MED27: variants seen among roughly 807,000 people sequenced by gnomAD.
MED27 encodes the protein mediator complex subunit 27, also known as mediator of RNA polymerase II transcription subunit 27.
In MED27, 30 loss-of-function variants were observed where a neutral mutation model predicts 38.2. The ratio of observed to expected loss-of-function variants is 0.79; its 90% CI spans 0.59 to 1.07. The LOEUF (loss-of-function observed/expected upper bound fraction) is 1.07, where lower values mean the gene tolerates loss of function less well. MED27 is among the 50% of genes least tolerant of loss of function. The pLI is 0.00. For synonymous variants in MED27, 122 were observed against 153.5 expected (o/e 0.79, Z 1.52); for missense variants, 289 against 397.5 (o/e 0.73, Z 2.32).
intron 2 of MED27, among the ~76,000 whole-genome samples, chr9:132,060,106 G>A (rs1833665142): frequency 6.6e-6 from 1 of 152,154 alleles, no homozygotes; most frequent in African/African-American, 2.4e-5. Flanking sequence ...TTTCAAGGTA[G>A]AAAAACAGAA....
chr9:132,058,702 G>A (rs548666769), intron 2 of MED27, among the ~76,000 whole-genome samples: 1 of 152,262 alleles, frequency 6.6e-6, no homozygotes, highest in South Asian at 2.1e-4. Flanking sequence ...AGAAGGTCAC[G>A]TGAAGGTCAC....
intron 2 of MED27, among the ~76,000 whole-genome samples, chr9:132,050,192 T>C (rs1833432224): frequency 6.6e-6 from 1 of 152,034 alleles, no homozygotes; most frequent in Non-Finnish European, 1.5e-5. Flanking sequence ...CCTTTAAGGA[T>C]GGGAAGGATC....
At chr9:132,079,234 G>C (rs1834120735) in intron 1 of MED27, among the ~76,000 whole-genome samples, 1 of 152,148 alleles carries the variant, frequency 6.6e-6, no homozygotes, top group Non-Finnish European at 1.5e-5. Flanking sequence ...ATCAGATCGG[G>C]TGCACTTGGG....
At chr9:131,880,159 C>T (rs1839012276) in intron 6 of MED27, among the ~76,000 whole-genome samples, 1 of 152,144 alleles carries the variant, frequency 6.6e-6, no homozygotes, top group African/African-American at 2.4e-5. Context: ...TGCTTTCTAC[C>T]GCCATCTCCC....
intron 3 of MED27, among the ~76,000 whole-genome samples, chr9:131,993,196 A>C (rs1832014803): frequency 6.6e-6 from 1 of 152,042 alleles, no homozygotes; most frequent in Admixed American, 6.6e-5. Flanking sequence ...TGCTGGATAA[A>C]TAACACCATA....
At chr9:132,028,841 A>C (rs1341264442) in intron 2 of MED27, among the ~76,000 whole-genome samples, 2 of 152,200 alleles carry the variant, frequency 1.3e-5, no homozygotes, top group Non-Finnish European at 2.9e-5. Flanking sequence ...ACTTCTACTG[A>C]GGAACCCAGG....
At chr9:131,879,516 G>A (rs1838998210) in intron 6 of MED27, among the ~76,000 whole-genome samples, 1 of 152,210 alleles carries the variant, frequency 6.6e-6, no homozygotes, top group Non-Finnish European at 1.5e-5. Flanking sequence ...AGCTGCTGCT[G>A]GTGGCCCAGA....
intron 4 of MED27, among the ~76,000 whole-genome samples, chr9:131,923,828 A>G (rs1213265503): frequency 2.0e-5 from 3 of 152,144 alleles, no homozygotes; most frequent in Non-Finnish European, 4.4e-5. Flanking sequence ...AGATAAGGGT[A>G]TTTTATATCT....
chr9:132,041,431 T>C (rs984469602), intron 2 of MED27, among the ~76,000 whole-genome samples: 1 of 152,202 alleles, frequency 6.6e-6, no homozygotes, highest in Non-Finnish European at 1.5e-5. Context: ...AAGAACCAGG[T>C]ATGGCATGTA....
chr9:131,917,231 T>C lies in MED27; in HGVS notation c.573+22150A>G, dbSNP rs1830307851. On this transcript the variant is annotated intron_variant, in intron 4 of 7. Coordinates refer to ENST00000292035, the MANE Select transcript of MED27 (RefSeq NM_004269.4). This position sits in a 1 kb window ranked among gnomAD's most constrained non-coding sequence, Gnocchi z 4.6. The stretch of plus-strand genomic sequence containing the variant: ...GTTCCATAGACTGGAACTGAAATTG[T>C]TCCATCCAAACTGCCAACAGTGCCT... 6.6e-6 allele frequency among the ~76,000 whole-genome samples: 1 copy of C among 152,060 alleles called. No homozygotes were observed. The highest frequency in any genetic ancestry group is 1.5e-5 in the Non-Finnish European group (1 of 68,000).
In MED27 at chr9:132,060,185, C is replaced by A. The variant is rs542097173; in HGVS notation, c.348+17257G>T. Among the ~76,000 whole-genome samples the A allele has an allele frequency of 3.9e-5, 6 of 152,226 alleles. No homozygotes were observed. In the East Asian group the frequency reaches 5.8e-4, roughly 15 times the overall value. Reference sequence around the variant, plus strand: ...TCACTGATTAGCATAGGTATGACCCCCATGCGTAGAGATTAATGGGAGAAT... The same window carrying A: ...TCACTGATTAGCATAGGTATGACCCACATGCGTAGAGATTAATGGGAGAAT... On this transcript the variant is annotated intron_variant, in intron 2 of 7. Transcript: ENST00000292035.
chr9:131,932,369 C>A (rs1830605815), intron 4 of MED27, among the ~76,000 whole-genome samples: 2 of 94,740 alleles, frequency 2.1e-5, no homozygotes, highest in African/African-American at 4.4e-5. Context: ...AACCTTTAGC[C>A]AGACTAATTA....
intron 4 of MED27, among the ~76,000 whole-genome samples, chr9:131,922,803 G>A (rs1007842890): frequency 6.6e-6 from 1 of 151,882 alleles, no homozygotes; most frequent in South Asian, 2.1e-4. Flanking sequence ...TAGTAGAGAC[G>A]GGGTTTCGCC....
At position 132,064,862 on chromosome 9, in the gene MED27, C is replaced by T. The variant is rs77291103; in HGVS notation, c.348+12580G>A. Among the ~76,000 whole-genome samples the T allele has an allele frequency of 5.2e-3, 796 of 152,234 alleles. 14 individuals are homozygous for T. Among genetic ancestry groups the T allele is most frequent in the African/African-American group, 0.018 (735 of 41,514 alleles). On this transcript the variant is annotated intron_variant, in intron 2 of 7. Coordinates refer to ENST00000292035, the MANE Select transcript of MED27 (RefSeq NM_004269.4). ...GACAGGAAGGACTGGTAAGCTGAGGCATTTAAGGCCACTGGTTAAGGAAAA... is the reference window on the plus strand; with the variant it reads ...GACAGGAAGGACTGGTAAGCTGAGGTATTTAAGGCCACTGGTTAAGGAAAA...
intron 2 of MED27, among the ~76,000 whole-genome samples, chr9:132,040,493 C>A (rs979594902): frequency 6.6e-6 from 1 of 152,172 alleles, no homozygotes. Context: ...ACTGCCCGTA[C>A]AAATGTCACG....
chr9:131,873,914 G>A (rs146876712), intron 6 of MED27, among the ~76,000 whole-genome samples: 352 of 152,308 alleles, frequency 2.3e-3, no homozygotes, highest in African/African-American at 7.8e-3. Context: ...CCCAGCCAGG[G>A]TGCCACTGAC....
At chr9:131,944,053 C>A (rs1045682169) in intron 3 of MED27, among the ~76,000 whole-genome samples, 1 of 152,174 alleles carries the variant, frequency 6.6e-6, no homozygotes, top group Admixed American at 6.5e-5. Context: ...ACCATCTCTT[C>A]CAGAAGGACA....
At chr9:131,925,552 A>C (rs1271118840) in intron 4 of MED27, among the ~76,000 whole-genome samples, 1 of 152,250 alleles carries the variant, frequency 6.6e-6, no homozygotes, top group Non-Finnish European at 1.5e-5. Context: ...AAAATGAATA[A>C]GCTATAGCTA....
intron 2 of MED27, among the ~76,000 whole-genome samples, chr9:132,037,833 C>T (rs79866697): frequency 6.6e-6 from 1 of 152,138 alleles, no homozygotes; most frequent in South Asian, 2.1e-4. Flanking sequence ...TTGGCTGACA[C>T]ACAACATGTC....
Sources: allele counts gnomAD v4.1 joint callset (sites outside exome capture counted in the v4.1 genomes callset), GRCh38; gene constraint gnomAD v4.1.1; non-coding constraint Gnocchi (gnomAD v3.1); transcripts MANE v1.5; gene names NCBI Gene and HGNC (gene_info 2026-07-23, HGNC 2026-07-21).